ZDHHC7: variants seen among roughly 807,000 people sequenced by gnomAD.
ZDHHC7 encodes the protein palmitoyltransferase ZDHHC7.
In ZDHHC7, 12 loss-of-function variants were observed where a neutral mutation model predicts 34.1. The ratio of observed to expected loss-of-function variants is 0.35; its 90% CI spans 0.23 to 0.57. The LOEUF (loss-of-function observed/expected upper bound fraction) is 0.57. ZDHHC7 is among the 20% of genes least tolerant of loss of function. ZDHHC7 has a pLI of 0.84. For synonymous variants in ZDHHC7, 185 were observed against 155.4 expected (o/e 1.19, Z -1.42); for missense variants, 388 against 402.7 (o/e 0.96, Z 0.31).
upstream of ZDHHC7, among the ~76,000 whole-genome samples, chr16:85,013,349 TCTC>T (rs1451495727): frequency 1.3e-5 from 2 of 151,858 alleles, no homozygotes; most frequent in Admixed American, 6.6e-5. Flanking sequence ...TTTAAGCAAT[TCTC>T]CTGCCTCAAC....
In ZDHHC7 at chr16:84,988,440, G is replaced by C. The variant is rs1597542909; in HGVS notation, c.315+1864C>G. Reference sequence around the variant, plus strand: ...CAATCAAAACACCCCTGACATCCAAGATCTCCAACTTCTCCCTCAGTATGT... The same window carrying C: ...CAATCAAAACACCCCTGACATCCAACATCTCCAACTTCTCCCTCAGTATGT... On this transcript the variant is annotated intron_variant, in intron 3 of 7. Coordinates refer to ENST00000313732, the MANE Select transcript of ZDHHC7 (RefSeq NM_017740.3). 3.3e-5 allele frequency among the ~76,000 whole-genome samples: 5 copies of C among 152,304 alleles called. No homozygotes were observed. The South Asian group carries it at 1.0e-3, about 32-fold the overall frequency.
chr16:84,998,031 C>T (rs868108721), intron 1 of ZDHHC7, among the ~76,000 whole-genome samples: 9 of 148,424 alleles, frequency 6.1e-5, no homozygotes, highest in Middle Eastern at 7.9e-3. Flanking sequence ...GAGGCCGAGG[C>T]GGGCGGATCA....
chr16:84,977,112 T>C lies in ZDHHC7; in HGVS notation c.733A>G (p.Ile245Val). 1 of 1,614,164 alleles carries C rather than the reference T, an allele frequency of 6.2e-7. No individual in the cohort carries two copies. ...AAGCTTACCGTCTCGTCGTTGCATA[T>C]GGAGTGGATTTGGGTGCCAAACATA... ...AVMFGTQIHS[I>V]CNDETEIERL... is the part of the protein sequence containing the mutation. Residue 245 changes from isoleucine to valine, a missense_variant, in exon 7 of 8, where the codon ATA becomes GTA. Physicochemically the swap from Ile to Val is conservative, Grantham distance 29. Transcript: ENST00000313732.
chr16:85,007,316 G>A (rs1180128076), intron 1 of ZDHHC7, among the ~76,000 whole-genome samples: 4 of 151,504 alleles, frequency 2.6e-5, no homozygotes, highest in Non-Finnish European at 4.4e-5. Context: ...CCAGCTACTC[G>A]GGAGGCTGAG....
intron 1 of ZDHHC7, among the ~76,000 whole-genome samples, chr16:85,000,641 G>A (rs370168328): frequency 2.8e-4 from 43 of 152,236 alleles, no homozygotes; most frequent in African/African-American, 1.0e-3. Context: ...ATAAAAAACG[G>A]AATTAAGCAA....
At chr16:84,993,195 C>G (rs1362745293) in intron 2 of ZDHHC7, among the ~76,000 whole-genome samples, 5 of 151,836 alleles carry the variant, frequency 3.3e-5, no homozygotes, top group African/African-American at 4.8e-5. Context: ...GTGGCTTGCG[C>G]TTATAGTCCC....
At chr16:84,998,259 C>T (rs915342575) in intron 1 of ZDHHC7, among the ~76,000 whole-genome samples, 1 of 131,634 alleles carries the variant, frequency 7.6e-6, no homozygotes, top group Non-Finnish European at 1.5e-5. Context: ...GCGAGACTGT[C>T]TCAAAAAAAA....
At chr16:84,980,811 C>T (rs1487549015) in intron 4 of ZDHHC7, among the ~76,000 whole-genome samples, 1 of 152,196 alleles carries the variant, frequency 6.6e-6, no homozygotes, top group African/African-American at 2.4e-5. Context: ...AGAAACCTCA[C>T]CCCATATGCA....
At chr16:84,983,395 A>T (rs2072395591) in intron 3 of ZDHHC7, among the ~76,000 whole-genome samples, 1 of 152,138 alleles carries the variant, frequency 6.6e-6, no homozygotes, top group Non-Finnish European at 1.5e-5. Context: ...GTTGACATCC[A>T]AATTTTAGAA....
chr16:85,021,717 G>A, the ZDHHC7 span, among the ~76,000 whole-genome samples: 6 of 148,826 alleles, frequency 4.0e-5, no homozygotes, highest in East Asian at 1.2e-3. Context: ...GACTGTGAAA[G>A]AAAGAAAGAA....
At chr16:84,998,957 G>C (rs1329519441) in intron 1 of ZDHHC7, among the ~76,000 whole-genome samples, 1 of 152,012 alleles carries the variant, frequency 6.6e-6, no homozygotes, top group African/African-American at 2.4e-5. Context: ...GTTTCACCAT[G>C]TTAGCCAGGC....
chr16:84,985,370 A>T (rs1597538976), intron 3 of ZDHHC7, among the ~76,000 whole-genome samples: 1 of 152,208 alleles, frequency 6.6e-6, no homozygotes, highest in Non-Finnish European at 1.5e-5. Context: ...GCTCCCTGTC[A>T]TGCATTCTGG....
At chr16:84,983,030 T>C (rs964291407) in intron 3 of ZDHHC7, among the ~76,000 whole-genome samples, 4 of 152,210 alleles carry the variant, frequency 2.6e-5, no homozygotes, top group Admixed American at 1.3e-4. Flanking sequence ...GAGACAATTC[T>C]GGGAGCTGTG....
chr16:84,990,386 T>G lies in ZDHHC7; in HGVS notation c.233A>C (p.Tyr78Ser). Reference protein sequence around the residue: ...VMLLPSKDFWYSVVNGVIFNC... With the variant: ...VMLLPSKDFWSSVVNGVIFNC... ...AAAGATGACCCCGTTGACCACAGAGTACCAGAAGTCTTTGGAAGGCAGCAG... is the reference window on the plus strand; with the variant it reads ...AAAGATGACCCCGTTGACCACAGAGGACCAGAAGTCTTTGGAAGGCAGCAG... The change falls in exon 3 of 8, where the codon TAC becomes TCC. Residue 78 changes from tyrosine to serine, a missense_variant. Tyr to Ser is a moderately radical substitution (Grantham distance 144). Transcript: ENST00000313732. 6.2e-7 allele frequency: 1 copy of G among 1,613,878 alleles called. No individual in the cohort carries two copies. Among genetic ancestry groups the G allele is most frequent in the Non-Finnish European group, 8.5e-7 (1 of 1,179,974 alleles).
At chr16:85,017,259 G>T in the ZDHHC7 span, among the ~76,000 whole-genome samples, 1 of 152,170 alleles carries the variant, frequency 6.6e-6, no homozygotes, top group East Asian at 1.9e-4. Context: ...TGAAAGATAT[G>T]AAAGTGCTCA....
At chr16:85,017,351 A>C in the ZDHHC7 span, among the ~76,000 whole-genome samples, 66 of 152,284 alleles carry the variant, frequency 4.3e-4, no homozygotes, top group African/African-American at 9.1e-4. Flanking sequence ...CTAGAATGAA[A>C]CACCACCAAG....
the ZDHHC7 span, among the ~76,000 whole-genome samples, chr16:85,025,611 T>C: frequency 1.3e-5 from 2 of 152,188 alleles, no homozygotes; most frequent in African/African-American, 2.4e-5. Context: ...GGTTTCACCA[T>C]GTTGGCCAGG....
intron 3 of ZDHHC7, among the ~76,000 whole-genome samples, chr16:84,989,694 C>CAAAAAAAAAA (rs35823318): frequency 2.1e-5 from 2 of 96,494 alleles, no homozygotes; most frequent in Non-Finnish European, 2.1e-5. Context: ...AACTCCGTCT[C>CAAAAAAAAAA]AAAAAAAAAA....
At chr16:85,020,449 ATAT>A in the ZDHHC7 span, among the ~76,000 whole-genome samples, 1 of 152,116 alleles carries the variant, frequency 6.6e-6, no homozygotes, top group African/African-American at 2.4e-5. Context: ...GAGGAAGATG[ATAT>A]TATTTGCTGA....
Sources: gnomAD v4.1 joint callset for allele counts (sites outside exome capture counted in the v4.1 genomes callset) on GRCh38, gnomAD v4.1.1 for gene constraint, MANE v1.5 for transcripts, NCBI Gene and HGNC (gene_info 2026-07-23, HGNC 2026-07-21) for gene names.